SGMS2: variants seen among roughly 807,000 people sequenced by gnomAD.
SGMS2 encodes sphingomyelin synthase 2.
SGMS2 carries 21 observed loss-of-function variants against 43.8 expected under a neutral mutation model. That is an observed-to-expected ratio of 0.48 (90% CI 0.34 to 0.69). The LOEUF (loss-of-function observed/expected upper bound fraction) is 0.69. Among genes scored for constraint, SGMS2 ranks in the 30% least tolerant of loss-of-function variants. The probability of loss-of-function intolerance (pLI) is 0.01; values close to 1 mark genes in which losing one functional copy is unlikely to be tolerated. For missense variants in SGMS2, 384 were observed against 443.2 expected, an observed-to-expected ratio of 0.87 and a Z score of 1.20; for synonymous variants, 167 against 160.6, an observed-to-expected ratio of 1.04 and a Z score of -0.30.
At chr4:107,852,601 C>T (rs1229868638) in intron 1 of SGMS2, among the ~76,000 whole-genome samples, 2 of 152,154 alleles carry the variant, frequency 1.3e-5, no homozygotes, top group African/African-American at 4.8e-5. Context: ...TAGGATCATA[C>T]ACATATCATT....
chr4:107,909,124 GAGA>G (rs1731880550), intron 6 of SGMS2, among the ~76,000 whole-genome samples: 1 of 123,104 alleles, frequency 8.1e-6, no homozygotes, highest in African/African-American at 3.1e-5. Context: ...TTTTTTTTTT[GAGA>G]CAGAGTCTTG....
intron 2 of SGMS2, among the ~76,000 whole-genome samples, chr4:107,877,913 C>CTTTTTTTTTTTTTTTTTT (rs774442653): frequency 9.8e-5 from 10 of 102,174 alleles, no homozygotes; most frequent in South Asian, 3.0e-4. Context: ...TTTTTCTTTT[C>CTTTTTTTTTTTTTTTTTT]TTTTTTTTTT....
At position 107,895,642 on chromosome 4, in the gene SGMS2, C is replaced by T; in HGVS notation, c.89C>T (p.Pro30Leu). Residue 30 changes from proline (P) to leucine (L), a missense_variant, in exon 3 of 7, where the codon CCT becomes CTT. Pro to Leu is a moderately conservative substitution (Grantham distance 98). Transcript: ENST00000690982. ...AACACTTATGCAAGACCCGCTGAAC[C>T]TGTTGAAGAAGAAAACAAAAATGGC... ...PTNTYARPAE[P>L]VEEENKNGNG... 6.2e-7 allele frequency: 1 copy of T among 1,613,936 alleles called. No homozygotes were observed. The highest frequency in any genetic ancestry group is 1.1e-5 in the South Asian group (1 of 91,076).
At position 107,879,750 on chromosome 4, in the gene SGMS2, C is replaced by T. The variant is rs1419515569; in HGVS notation, c.-244-15560C>T. Among the ~76,000 whole-genome samples the T allele has an allele frequency of 3.3e-5, 5 of 152,254 alleles. No homozygotes were observed. In the East Asian group the frequency reaches 9.6e-4, roughly 29 times the overall value. ...GTGCTGGGATTATAGGCGTGAGCCA[C>T]CGCACCTGGTGGGCTATACCTTAAA... is the stretch of plus-strand genomic sequence containing the variant. On this transcript the variant is annotated intron_variant, in intron 2 of 6. Coordinates refer to ENST00000690982, the MANE Select transcript of SGMS2 (RefSeq NM_001375905.1).
intron 2 of SGMS2, chr4:107,866,814 G>A (rs928281587): frequency 2.6e-5 from 4 of 152,062 alleles, no homozygotes; most frequent in Admixed American, 6.6e-5. Context: ...TTTATATGAT[G>A]ATATATTTTT....
Position 107,840,772 on chromosome 4 carries a change from A to G in SGMS2, c.-327+15519A>G, listed in dbSNP as rs532432782. On this transcript the variant is annotated intron_variant, in intron 1 of 6. Coordinates refer to ENST00000690982, the MANE Select transcript of SGMS2 (RefSeq NM_001375905.1). ...TTGGGCAGGTTATGCTCTAGGGCCA[A>G]TGGGATCTTGAAGTGATTGTAAAAG... Among the ~76,000 whole-genome samples, 21 of 152,326 alleles carry G rather than the reference A, an allele frequency of 1.4e-4. No homozygotes were observed. The South Asian group carries it at 3.3e-3, about 24-fold the overall frequency.
chr4:107,888,159 A>G (rs3996297), intron 2 of SGMS2, among the ~76,000 whole-genome samples: 107,986 of 151,878 alleles, frequency 0.71, 39,167 homozygotes, highest in African/African-American at 0.84. Flanking sequence ...AATGCAGTTT[A>G]TTTTGATTGG....
intron 1 of SGMS2, among the ~76,000 whole-genome samples, chr4:107,826,454 A>G (rs1725594566): frequency 6.6e-6 from 1 of 152,202 alleles, no homozygotes; most frequent in Non-Finnish European, 1.5e-5. Flanking sequence ...GGGAACTGCC[A>G]TTTACTGTTT....
chr4:107,829,588 G>T (rs1386807389), intron 1 of SGMS2, among the ~76,000 whole-genome samples: 1 of 152,144 alleles, frequency 6.6e-6, no homozygotes, highest in Non-Finnish European at 1.5e-5. Context: ...TATACAATTT[G>T]AAATTCAGCC....
intron 2 of SGMS2, among the ~76,000 whole-genome samples, chr4:107,888,207 G>C (rs967814956): frequency 2.0e-5 from 3 of 152,030 alleles, no homozygotes; most frequent in African/African-American, 7.2e-5. Context: ...TTTAATTGCT[G>C]TCAGTGTTTA....
In SGMS2 at chr4:107,913,673, C is replaced by T. The variant is rs1732264861; in HGVS notation, c.*3120C>T. The T allele has an allele frequency of 6.6e-6, 1 of 152,170 alleles. No homozygotes were observed. Among genetic ancestry groups the T allele is most frequent in the South Asian group, 2.1e-4 (1 of 4,828 alleles). The allele number at this position is 152,170 out of a possible 1,614,324, so 9.4% of individuals were successfully genotyped here. Reference sequence around the variant, plus strand: ...GTAAAATGTGCTCAGATTATAGGCACTTGTAATTCTAACCTTGTATCCATT... The same window carrying T: ...GTAAAATGTGCTCAGATTATAGGCATTTGTAATTCTAACCTTGTATCCATT... On this transcript the variant is annotated 3_prime_UTR_variant, in exon 7 of 7. Transcript: ENST00000690982.
chr4:107,854,977 A>G (rs1727340238), intron 1 of SGMS2, among the ~76,000 whole-genome samples: 1 of 152,146 alleles, frequency 6.6e-6, no homozygotes, highest in South Asian at 2.1e-4. Flanking sequence ...ACATATGGAG[A>G]TATATGCATT....
chr4:107,841,908 C>T (rs1726532832), intron 1 of SGMS2, among the ~76,000 whole-genome samples: 2 of 152,020 alleles, frequency 1.3e-5, no homozygotes, highest in African/African-American at 2.4e-5. Flanking sequence ...GCCTTGGCCT[C>T]TCAAAATGCT....
rs199984795 is a variant in SGMS2 at position 107,903,225 on chromosome 4, T to A, written c.574-8T>A. The A allele has an allele frequency of 1.5e-4, 245 of 1,613,794 alleles. 7 individuals are homozygous for A. The highest frequency in any genetic ancestry group is 7.0e-4 in the South Asian group (64 of 91,076). On this transcript the variant is annotated splice_region_variant and splice_polypyrimidine_tract_variant and intron_variant, in intron 4 of 6. Coordinates refer to ENST00000690982, the MANE Select transcript of SGMS2 (RefSeq NM_001375905.1). Reference sequence around the variant, plus strand: ...AAATTCCCTTCTTAATCTTCTTGTGTCATTCAGCTCAATGGAGACTCTCAG... The same window carrying A: ...AAATTCCCTTCTTAATCTTCTTGTGACATTCAGCTCAATGGAGACTCTCAG...
intron 3 of SGMS2, among the ~76,000 whole-genome samples, chr4:107,897,694 A>G (rs756435215): frequency 6.6e-6 from 1 of 152,172 alleles, no homozygotes; most frequent in African/African-American, 2.4e-5. Flanking sequence ...ACATAGCCAG[A>G]CCATAAATTT....
At chr4:107,875,643 T>C (rs1411568098) in intron 2 of SGMS2, among the ~76,000 whole-genome samples, 1 of 152,178 alleles carries the variant, frequency 6.6e-6, no homozygotes, top group Non-Finnish European at 1.5e-5. Flanking sequence ...AGCCTGCATC[T>C]GTACCCCTGA....
At position 107,859,959 on chromosome 4, in the gene SGMS2, G is replaced by GT. The variant is rs113120586; in HGVS notation, c.-245+1416dup. Among the ~76,000 whole-genome samples, 53 of 149,240 alleles carry GT rather than the reference G, an allele frequency of 3.6e-4. No homozygotes were observed. In the South Asian group the frequency reaches 6.6e-3, roughly 19 times the overall value. ...TGGGCTTGAAAAATAAAGGATTACT[G>GT]TTTTTTTTTTCCTTTGCAATGTCCC... On this transcript the variant is annotated intron_variant, in intron 2 of 6. Transcript: ENST00000690982.
At chr4:107,843,527 T>A (rs1439041465) in intron 1 of SGMS2, among the ~76,000 whole-genome samples, 1 of 152,194 alleles carries the variant, frequency 6.6e-6, no homozygotes, top group Non-Finnish European at 1.5e-5. Context: ...CCGAATAAGC[T>A]GAGTGTCATG....
intron 1 of SGMS2, among the ~76,000 whole-genome samples, chr4:107,840,907 AG>A (rs1353034395): frequency 6.6e-6 from 1 of 152,174 alleles, no homozygotes; most frequent in Non-Finnish European, 1.5e-5. Context: ...AGGTTGGTGA[AG>A]GTAAGAGCTT....
Sources: allele counts gnomAD v4.1 joint callset (sites outside exome capture counted in the v4.1 genomes callset), GRCh38; gene constraint gnomAD v4.1.1; transcripts MANE v1.5; gene names NCBI Gene and HGNC (gene_info 2026-07-23, HGNC 2026-07-21).